Variants in PRIM2 observed in about 807,000 individuals in gnomAD.
PRIM2 encodes DNA primase large subunit.
Under a neutral mutation model 67.3 loss-of-function variants are expected in PRIM2, and 39 were observed. The ratio of observed to expected loss-of-function variants is 0.58; its 90% CI spans 0.45 to 0.76. The LOEUF is 0.76. PRIM2 is among the 30% of genes least tolerant of loss of function. The probability of loss-of-function intolerance (pLI) is 0.00; values close to 1 mark genes in which losing one functional copy is unlikely to be tolerated. For missense variants in PRIM2, 398 were observed against 598.7 expected (o/e 0.66, Z 3.50); for synonymous variants, 143 against 198.7 (o/e 0.72, Z 2.36).
upstream of PRIM2, among the ~76,000 whole-genome samples, chr6:57,311,712 A>T (rs1767395623): frequency 6.6e-6 from 1 of 152,050 alleles, no homozygotes; most frequent in Non-Finnish European, 1.5e-5. Flanking sequence ...AGCCGAGATC[A>T]AGCCACTGCA....
At chr6:57,608,795 G>T (rs1248423989) in intron 12 of PRIM2, among the ~76,000 whole-genome samples, 49 of 152,068 alleles carry the variant, frequency 3.2e-4, no homozygotes, top group African/African-American at 1.1e-3. Flanking sequence ...TTCATTTCCT[G>T]GTTTAAGACC....
chr6:57,570,934 C>T (rs1298409823), intron 10 of PRIM2, among the ~76,000 whole-genome samples: 110,776 of 151,828 alleles, frequency 0.73, 41,246 homozygotes, highest in African/African-American at 0.89. Flanking sequence ...TTGGTGTCAT[C>T]CCTATAATTT....
chr6:57,437,285 C>G (rs547801019), intron 7 of PRIM2, among the ~76,000 whole-genome samples: 1 of 152,366 alleles, frequency 6.6e-6, no homozygotes, highest in African/African-American at 2.4e-5. Context: ...GGTTCCACCT[C>G]CAACAATGGG....
At chr6:57,498,414 T>C (rs1774053700) in intron 7 of PRIM2, among the ~76,000 whole-genome samples, 1 of 152,196 alleles carries the variant, frequency 6.6e-6, no homozygotes, top group Non-Finnish European at 1.5e-5. Context: ...AAAATAAACG[T>C]AAATTTGGTT....
intron 10 of PRIM2, among the ~76,000 whole-genome samples, chr6:57,574,865 C>G (rs1314024863): frequency 6.6e-6 from 1 of 151,198 alleles, no homozygotes; most frequent in Non-Finnish European, 1.5e-5. Context: ...TAATATAGAT[C>G]AAAAATAGTA....
chr6:57,241,470 A>G, the PRIM2 span, among the ~76,000 whole-genome samples: 2 of 151,476 alleles, frequency 1.3e-5, no homozygotes, highest in South Asian at 2.1e-4. Context: ...ATAGATGTGT[A>G]AAACTGAAAA....
chr6:57,252,589 C>T, the PRIM2 span, among the ~76,000 whole-genome samples: 113 of 152,262 alleles, frequency 7.4e-4, 1 homozygote, highest in African/African-American at 2.7e-3. Context: ...TACAGGCACA[C>T]GCCACCATGT....
intron 10 of PRIM2, among the ~76,000 whole-genome samples, chr6:57,599,325 A>G (rs1192023083): frequency 6.8e-6 from 1 of 147,032 alleles, no homozygotes; most frequent in East Asian, 2.0e-4. Context: ...CATTCTTTCC[A>G]TAATACCACA....
chr6:57,291,733 C>T, the PRIM2 span, among the ~76,000 whole-genome samples: 185 of 152,178 alleles, frequency 1.2e-3, 1 homozygote, highest in Non-Finnish European at 2.0e-3. Flanking sequence ...TAAACAGAAC[C>T]AACGACAAAA....
chr6:57,312,065 GA>G, upstream of PRIM2, among the ~76,000 whole-genome samples: 1 of 7,434 alleles, frequency 1.3e-4, no homozygotes, highest in Non-Finnish European at 2.5e-4. Context: ...GGAGAGGGGA[GA>G]GGGGGGAGAG....
At chr6:57,561,517 G>T (rs1775629598) in intron 10 of PRIM2, among the ~76,000 whole-genome samples, 1 of 152,224 alleles carries the variant, frequency 6.6e-6, no homozygotes, top group African/African-American at 2.4e-5. Flanking sequence ...ACAGGCGTGA[G>T]CCACTCTGCC....
chr6:57,469,656 T>C (rs1182109739), intron 7 of PRIM2, among the ~76,000 whole-genome samples: 6 of 152,336 alleles, frequency 3.9e-5, no homozygotes, highest in Non-Finnish European at 5.9e-5. Context: ...CAAGGTCTTA[T>C]GCAGTAAATT....
chr6:57,628,727 G>A (rs1776996081), intron 12 of PRIM2, among the ~76,000 whole-genome samples: 1 of 152,130 alleles, frequency 6.6e-6, no homozygotes, highest in Non-Finnish European at 1.5e-5. Flanking sequence ...CTTTAAGTGA[G>A]AACATGTGGT....
intron 7 of PRIM2, among the ~76,000 whole-genome samples, chr6:57,479,125 A>T (rs1348979393): frequency 6.6e-6 from 1 of 152,236 alleles, no homozygotes; most frequent in East Asian, 1.9e-4. Flanking sequence ...CAGCCTAGGC[A>T]TCAAGAACAA....
At chr6:57,228,124 A>G in the PRIM2 span, among the ~76,000 whole-genome samples, 1 of 152,182 alleles carries the variant, frequency 6.6e-6, no homozygotes, top group African/African-American at 2.4e-5. Flanking sequence ...TATCTTATAG[A>G]AGATCTACAA....
chr6:57,371,821 A>G (rs930365732), intron 5 of PRIM2, among the ~76,000 whole-genome samples: 3 of 152,232 alleles, frequency 2.0e-5, no homozygotes, highest in African/African-American at 7.2e-5. Context: ...ACTTGGCTCT[A>G]AAACTTAAAA....
chr6:57,346,039 C>T (rs1562705436), intron 5 of PRIM2, among the ~76,000 whole-genome samples: 1 of 152,124 alleles, frequency 6.6e-6, no homozygotes, highest in Non-Finnish European at 1.5e-5. Flanking sequence ...TTGTGGCCAT[C>T]TTGGTTTTGG....
At chr6:57,307,227 A>T in the PRIM2 span, among the ~76,000 whole-genome samples, 1 of 144,304 alleles carries the variant, frequency 6.9e-6, no homozygotes, top group African/African-American at 2.6e-5. Flanking sequence ...AAATAAAAAA[A>T]AAATAAAAAA....
At chr6:57,325,277 C>CTT (rs982681766) in intron 4 of PRIM2, among the ~76,000 whole-genome samples, 3 of 144,462 alleles carry the variant, frequency 2.1e-5, no homozygotes, top group Non-Finnish European at 4.6e-5. Context: ...TCCCCATTTT[C>CTT]TTTTTTTTTT....
Sources: gnomAD v4.1 joint callset for allele counts (sites outside exome capture counted in the v4.1 genomes callset) on GRCh38, gnomAD v4.1.1 for gene constraint, MANE v1.5 for transcripts, NCBI Gene and HGNC (gene_info 2026-07-23, HGNC 2026-07-21) for gene names.